PIK3C2G: variants seen among roughly 807,000 people sequenced by gnomAD.
The protein encoded by PIK3C2G is phosphatidylinositol 3-kinase C2 domain-containing subunit gamma.
A neutral mutation model predicts 181.1 loss-of-function variants in PIK3C2G; 168 were observed. The ratio of observed to expected loss-of-function variants is 0.93; its 90% CI spans 0.82 to 1.05. The LOEUF is 1.05. Among genes scored for constraint, PIK3C2G ranks in the 50% least tolerant of loss-of-function variants. The pLI, the probability that PIK3C2G is intolerant of heterozygous loss-of-function variation, is 0.00. For missense variants in PIK3C2G, 1,869 were observed against 1,732.8 expected (o/e 1.08, Z -1.40); for synonymous variants, 573 against 592.2 (o/e 0.97, Z 0.47).
the PIK3C2G span, chr12:18,699,715 A>G: frequency 1.5e-6 from 2 of 1,367,142 alleles, no homozygotes; most frequent in Non-Finnish European, 2.1e-6. Flanking sequence ...TTTTATAAAT[A>G]TCATTGAGCA....
At chr12:18,447,261 T>C (rs574132194) in intron 18 of PIK3C2G, among the ~76,000 whole-genome samples, 1 of 152,224 alleles carries the variant, frequency 6.6e-6, no homozygotes, top group South Asian at 2.1e-4. Context: ...TGTGCCCAGT[T>C]AGGTAGATTT....
At chr12:18,716,193 G>A in the PIK3C2G span, among the ~76,000 whole-genome samples, 1 of 152,006 alleles carries the variant, frequency 6.6e-6, no homozygotes, top group Non-Finnish European at 1.5e-5. Flanking sequence ...TATCAACAGA[G>A]TATGAGTTCT....
chr12:18,346,023 G>C (rs752230058), intron 10 of PIK3C2G, among the ~76,000 whole-genome samples: 2 of 152,068 alleles, frequency 1.3e-5, no homozygotes, highest in Admixed American at 6.6e-5. Flanking sequence ...GTCACTTTTA[G>C]GAATAACCAG....
intron 11 of PIK3C2G, among the ~76,000 whole-genome samples, chr12:18,349,803 A>G (rs1208544869): frequency 6.6e-6 from 1 of 152,182 alleles, no homozygotes; most frequent in Non-Finnish European, 1.5e-5. Flanking sequence ...TGTCCGTGTG[A>G]CCATGCACAT....
chr12:18,597,410 G>T (rs1168420408), intron 30 of PIK3C2G, among the ~76,000 whole-genome samples: 2 of 151,954 alleles, frequency 1.3e-5, no homozygotes, highest in East Asian at 3.9e-4. Context: ...CTTAGCAAAA[G>T]ACTTTCTTTA....
chr12:18,375,437 C>T (rs1305501338), intron 13 of PIK3C2G, among the ~76,000 whole-genome samples: 1 of 152,146 alleles, frequency 6.6e-6, no homozygotes, highest in Non-Finnish European at 1.5e-5. Flanking sequence ...CAAGAGGTGG[C>T]CTGGCTGCTG....
At chr12:18,688,841 TAA>T in the PIK3C2G span, among the ~76,000 whole-genome samples, 6 of 152,040 alleles carry the variant, frequency 3.9e-5, no homozygotes, top group Non-Finnish European at 7.4e-5. Flanking sequence ...TGACTTAGGC[TAA>T]GAGATAGAAG....
At chr12:18,708,730 T>C in the PIK3C2G span, among the ~76,000 whole-genome samples, 1 of 152,184 alleles carries the variant, frequency 6.6e-6, no homozygotes, top group Non-Finnish European at 1.5e-5. Flanking sequence ...TGGTATCTCA[T>C]AGTGGTTTTG....
chr12:18,413,786 C>G lies in PIK3C2G; in HGVS notation c.2316-7155C>G, dbSNP rs1487827113. 2.6e-5 allele frequency among the ~76,000 whole-genome samples: 4 copies of G among 152,060 alleles called. No individual in the cohort carries two copies. In the South Asian group the frequency reaches 6.2e-4, roughly 24 times the overall value. On this transcript the variant is annotated intron_variant, in intron 16 of 32. Coordinates refer to ENST00000538779, the MANE Select transcript of PIK3C2G (RefSeq NM_001288772.2). ...TTATATGTGCATTTTTCAAGCAAAT[C>G]TAATAAAGCAGGATAACCTGGCTTG... is the stretch of plus-strand genomic sequence containing the variant.
chr12:18,538,064 A>C, intron 24 of PIK3C2G, 92 bp from the exon 25 acceptor site: 1 of 1,274,920 alleles, frequency 7.8e-7, no homozygotes, highest in East Asian at 2.4e-5. Flanking sequence ...AAAAAAGAAA[A>C]TTCAAATGAA....
intron 5 of PIK3C2G, among the ~76,000 whole-genome samples, chr12:18,312,105 G>A (rs1950662388): frequency 6.6e-6 from 1 of 152,106 alleles, no homozygotes; most frequent in South Asian, 2.1e-4. Context: ...CCAGATTAAG[G>A]ATGAGTCTGC....
At chr12:18,679,110 A>G in the PIK3C2G span, among the ~76,000 whole-genome samples, 4 of 152,166 alleles carry the variant, frequency 2.6e-5, no homozygotes, top group East Asian at 5.8e-4. Context: ...GTGCTTATTA[A>G]TCATTCACAT....
At chr12:18,546,133 G>A (rs1944407875) in intron 25 of PIK3C2G, among the ~76,000 whole-genome samples, 190 bp from the exon 26 acceptor site, 1 of 151,848 alleles carries the variant, frequency 6.6e-6, no homozygotes, top group Non-Finnish European at 1.5e-5. Flanking sequence ...TGTTATTGCT[G>A]TTGTCTCTAC....
intron 31 of PIK3C2G, among the ~76,000 whole-genome samples, chr12:18,614,156 C>G (rs903113813): frequency 2.0e-5 from 3 of 151,922 alleles, no homozygotes; most frequent in Non-Finnish European, 4.4e-5. Flanking sequence ...ATCGTCTTAT[C>G]AAATGTGTTT....
chr12:18,369,011 G>T (rs542845366), intron 12 of PIK3C2G, among the ~76,000 whole-genome samples: 1 of 152,174 alleles, frequency 6.6e-6, no homozygotes, highest in Non-Finnish European at 1.5e-5. Flanking sequence ...ACCTCAGTCC[G>T]CACCTTTCAG....
At chr12:18,275,296 G>A (rs1948935800) in intron 1 of PIK3C2G, among the ~76,000 whole-genome samples, 1 of 152,128 alleles carries the variant, frequency 6.6e-6, no homozygotes, top group South Asian at 2.1e-4. Flanking sequence ...CTAGTACTTT[G>A]TAACAAAGTG....
chr12:18,255,376 T>C (rs1283447294), intron 1 of PIK3C2G, among the ~76,000 whole-genome samples: 1 of 152,070 alleles, frequency 6.6e-6, no homozygotes, highest in African/African-American at 2.4e-5. Context: ...ACTGTAGGAG[T>C]TAATACAGTT....
At chr12:18,301,455 T>G (rs1034910153) in intron 5 of PIK3C2G, among the ~76,000 whole-genome samples, 9 of 152,132 alleles carry the variant, frequency 5.9e-5, no homozygotes, top group African/African-American at 1.9e-4. Flanking sequence ...AGACCTATTA[T>G]GAAGTTCTGA....
At chr12:18,446,668 T>G (rs1164321649) in intron 18 of PIK3C2G, among the ~76,000 whole-genome samples, 1 of 152,188 alleles carries the variant, frequency 6.6e-6, no homozygotes, top group African/African-American at 2.4e-5. Context: ...GTTGTTGTTT[T>G]GCTATAATTA....
Sources: allele counts gnomAD v4.1 joint callset (sites outside exome capture counted in the v4.1 genomes callset), GRCh38; gene constraint gnomAD v4.1.1; transcripts MANE v1.5; gene names NCBI Gene and HGNC (gene_info 2026-07-23, HGNC 2026-07-21).